Variants in SACS observed in about 807,000 individuals in gnomAD.
The protein encoded by SACS is sacsin.
In SACS, 197 loss-of-function variants were observed where a neutral mutation model predicts 348.0. That is an observed-to-expected ratio of 0.57 (90% CI 0.50 to 0.64). The LOEUF (loss-of-function observed/expected upper bound fraction) is 0.64. Ranked by LOEUF, SACS falls within the 30% of genes least tolerant of loss-of-function variation. The pLI, the probability that SACS is intolerant of heterozygous loss-of-function variation, is 0.00. For synonymous variants in SACS, 1,985 were observed against 1,910.6 expected (o/e 1.04, Z -1.02); for missense variants, 4,999 against 5,360.8 (o/e 0.93, Z 2.11).
At chr13:23,415,034 C>CT (rs879284440) in intron 1 of SACS, among the ~76,000 whole-genome samples, 3 of 151,860 alleles carry the variant, frequency 2.0e-5, no homozygotes, top group Admixed American at 6.6e-5. Context: ...TTTTTCTTTT[C>CT]TTTTTTTTAT....
At chr13:23,370,783 T>C (rs1593157661) in intron 4 of SACS, among the ~76,000 whole-genome samples, 1 of 152,256 alleles carries the variant, frequency 6.6e-6, no homozygotes, top group Admixed American at 6.5e-5. Flanking sequence ...GCCAACATGG[T>C]AAAACCCTGT....
chr13:23,330,049 C>A lies in SACS; in HGVS notation c.*87G>T. 1 of 1,193,474 alleles carries A rather than the reference C, an allele frequency of 8.4e-7. No homozygotes were observed. The highest frequency in any genetic ancestry group is 1.2e-6 in the Non-Finnish European group (1 of 822,626). 73.9% of individuals were successfully genotyped at this position (1,193,474 alleles called of 1,614,324 possible). On this transcript the variant is annotated 3_prime_UTR_variant, in exon 10 of 10. Transcript: ENST00000382292. ...CTGCAATGTGCTTAACAATTCCTAGCTAATTGGCAATGAAGCTTAATGAAG... is the reference window on the plus strand; with the variant it reads ...CTGCAATGTGCTTAACAATTCCTAGATAATTGGCAATGAAGCTTAATGAAG...
chr13:23,377,177 G>A (rs1212143422), intron 2 of SACS, among the ~76,000 whole-genome samples: 1 of 152,160 alleles, frequency 6.6e-6, no homozygotes, highest in Non-Finnish European at 1.5e-5. Context: ...GGTTTCTTTG[G>A]GGATGGTGGA....
intron 3 of SACS, chr13:23,373,797 CAAAAAAA>C: frequency 8.3e-6 from 1 of 120,288 alleles, no homozygotes; most frequent in Non-Finnish European, 1.6e-5. Context: ...CTCCGTCTCA[CAAAAAAA>C]AAAAAAAAAA....
Position 23,411,253 on chromosome 13 carries a change from G to A in SACS, c.-14C>T. 3 of 1,602,512 alleles carry A rather than the reference G, an allele frequency of 1.9e-6. No individual in the cohort carries two copies. The highest frequency in any genetic ancestry group is 1.1e-5 in the South Asian group (1 of 90,736). On this transcript the variant is annotated 5_prime_UTR_variant, in exon 2 of 10. Transcript: ENST00000382292. ...CTTGGTCTCCATGATCACTTCTCCT[G>A]GGATATTTGTTTGTGAAAACCATGA...
chr13:23,411,118 G>C, intron 2 of SACS, 102 bp downstream of exon 2: 2 of 948,676 alleles, frequency 2.1e-6, no homozygotes, highest in Admixed American at 3.7e-5. Context: ...TTTACCTCTC[G>C]AGTGCTTTCA....
rs558455323 is a variant in SACS, at chr13:23,389,409, AT to A, written c.21-14141del. Among the ~76,000 whole-genome samples, 457 of 152,208 alleles carry A rather than the reference AT, an allele frequency of 3.0e-3. 8 individuals carry two copies. The highest frequency in any genetic ancestry group is 0.027 in the Admixed American group (407 of 15,290). ...AAATAAAATTCAGAATTGTAAAAAA[AT>A]ATATATATATTAGTAACATGTGGAT... On this transcript the variant is annotated intron_variant, in intron 2 of 9. Transcript: ENST00000382292.
intron 2 of SACS, among the ~76,000 whole-genome samples, chr13:23,381,434 G>C (rs985369645): frequency 2.0e-5 from 3 of 150,262 alleles, no homozygotes; most frequent in African/African-American, 7.4e-5. Context: ...CATGAAGCGC[G>C]CGCACACACA....
At chr13:23,389,675 C>T (rs1043266899) in intron 2 of SACS, among the ~76,000 whole-genome samples, 8 of 152,210 alleles carry the variant, frequency 5.3e-5, no homozygotes, top group African/African-American at 1.9e-4. Context: ...ACAAGGGATA[C>T]GTAGTACATG....
chr13:23,391,207 T>G (rs962761804), intron 2 of SACS, among the ~76,000 whole-genome samples: 1 of 152,224 alleles, frequency 6.6e-6, no homozygotes, highest in Non-Finnish European at 1.5e-5. Context: ...GCCTGAAATT[T>G]TTCATGATAA....
In SACS at chr13:23,339,918, C is replaced by T. The variant is rs764239642; in HGVS notation, c.3958G>A (p.Val1320Ile). 3 of 1,613,958 alleles carry T rather than the reference C, an allele frequency of 1.9e-6. No homozygotes were observed. Among genetic ancestry groups the T allele is most frequent in the Non-Finnish European group, 2.5e-6 (3 of 1,179,966 alleles). Residue 1320 changes from valine (V) to isoleucine (I), a missense_variant, in exon 10 of 10, where the codon GTC (valine) becomes ATC (isoleucine). Val to Ile is a conservative substitution (Grantham distance 29). Coordinates refer to ENST00000382292, the MANE Select transcript of SACS (RefSeq NM_014363.6). The stretch of plus-strand genomic sequence containing the variant: ...GTCAACTCCTCTATTGAACCACAGA[C>T]CTTAAATAGTTGGTGGAATTTTGCC... Reference protein sequence around the residue: ...TMAKFHQLFKVCGSIEELTSD... With the variant: ...TMAKFHQLFKICGSIEELTSD...
chr13:23,354,459 A>G, intron 8 of SACS, 60 bp downstream of exon 8: 5 of 1,428,576 alleles, frequency 3.5e-6, no homozygotes, highest in South Asian at 1.2e-5. Context: ...GGACTCTCAC[A>G]GTGAGCAGGA....
rs1593124372 is a variant in SACS, at chr13:23,333,964, G to A, written c.9912C>T (p.Leu3304=). ...GAAAAACTGCAATGTGCATAAGGCT[G>A]AGAGGAAGCAGAACATCTCCTTCAG... ...VVPEGDVLLP[L]SLMHIAVFPN... is the part of the protein sequence containing the mutation. Residue 3304 remains leucine (L), a synonymous_variant, in exon 10 of 10, where the codon CTC becomes CTT. Transcript: ENST00000382292. 1.2e-6 allele frequency: 2 copies of A among 1,613,882 alleles called. No individual in the cohort carries two copies. The highest frequency in any genetic ancestry group is 1.6e-4 in the Middle Eastern group (1 of 6,062).
chr13:23,336,562 T>C lies in SACS; in HGVS notation c.7314A>G (p.Glu2438=), dbSNP rs748828472. Reference sequence around the variant, plus strand: ...TTTTCTCACAAAATTCTTGTTTCTTTTCTCTAATGAGACTCCATATTCCTT... The same window carrying C: ...TTTTCTCACAAAATTCTTGTTTCTTCTCTCTAATGAGACTCCATATTCCTT... ...ISEGIWSLIR[E]KKQEFCEKNY... The change falls in exon 10 of 10, where the codon GAA becomes GAG. Residue 2438 remains glutamate, a synonymous_variant. Coordinates refer to ENST00000382292, the MANE Select transcript of SACS (RefSeq NM_014363.6). 1.9e-6 allele frequency: 3 copies of C among 1,613,666 alleles called. No homozygotes were observed. In the African/African-American group the frequency reaches 4.0e-5, roughly 22 times the overall value.
chr13:23,425,021 G>A (rs565817232), intron 1 of SACS, among the ~76,000 whole-genome samples: 1 of 152,340 alleles, frequency 6.6e-6, no homozygotes, highest in African/African-American at 2.4e-5. Context: ...GTATCCATCG[G>A]GGGCCTGGGC....
Position 23,340,829 on chromosome 13 carries a change from AC to A in SACS, c.3046del (p.Val1016SerfsTer19). ...HEEVTQLMLW[V>X]LENLSSLKNE... ...TTTAAGAGAAGATAGATTCTCAAGGACCCATAACATAAGCTGTGTTACCTCT... is the reference window on the plus strand; with the variant it reads ...TTTAAGAGAAGATAGATTCTCAAGGACCATAACATAAGCTGTGTTACCTCT... On this transcript the variant is annotated frameshift_variant, in exon 10 of 10. Coordinates refer to ENST00000382292, the MANE Select transcript of SACS (RefSeq NM_014363.6). LOFTEE classifies it high-confidence loss of function. 6.2e-7 allele frequency: 1 copy of A among 1,603,550 alleles called. No individual in the cohort carries two copies. Among genetic ancestry groups the A allele is most frequent in the Non-Finnish European group, 8.5e-7 (1 of 1,174,188 alleles).
In SACS at chr13:23,334,239, T is replaced by C. The variant is rs375769314; in HGVS notation, c.9637A>G (p.Ser3213Gly). The stretch of plus-strand genomic sequence containing the variant: ...ACAGAGGATAACAAATCAGCAAAGC[T>C]GGAAATGTCAAACACTTTTGCAACT... ...CKVAKVFDISSFADLLSSVLP... is the reference protein window; with the variant it reads ...CKVAKVFDISGFADLLSSVLP... The change falls in exon 10 of 10, where the codon AGC (serine) becomes GGC (glycine). Residue 3213 changes from serine to glycine, a missense_variant. Around this residue, in one of 6 missense-constraint regions of SACS, gnomAD observed 734 missense variants for 694.0 expected, o/e 1.06. Transcript: ENST00000382292. 4 of 1,613,456 alleles carry C rather than the reference T, an allele frequency of 2.5e-6. No individual in the cohort carries two copies. In the African/African-American group the frequency reaches 5.3e-5, roughly 22 times the overall value.
chr13:23,372,040 T>C (rs568150471), intron 3 of SACS, among the ~76,000 whole-genome samples: 26 of 152,358 alleles, frequency 1.7e-4, no homozygotes, highest in Admixed American at 7.2e-4. Context: ...AGTTAATTCA[T>C]TTTTAATTGG....
chr13:23,415,117 C>T (rs1054411518), intron 1 of SACS, among the ~76,000 whole-genome samples: 3 of 152,008 alleles, frequency 2.0e-5, no homozygotes, highest in African/African-American at 7.3e-5. Flanking sequence ...CTGCAACTTC[C>T]GCCTCCCAGG....
Sources: allele counts gnomAD v4.1 joint callset (sites outside exome capture counted in the v4.1 genomes callset), GRCh38; gene constraint gnomAD v4.1.1; regional missense constraint gnomAD v4.1.1; transcripts MANE v1.5; gene names NCBI Gene and HGNC (gene_info 2026-07-23, HGNC 2026-07-21).